The following ADAR variants were observed in gnomAD, a reference collection of about 807,000 sequenced individuals.
ADAR encodes adenosine deaminase RNA specific, also known as double-stranded RNA-specific adenosine deaminase.
ADAR carries 41 observed loss-of-function variants against 113.2 expected under a neutral mutation model. The ratio of observed to expected loss-of-function variants is 0.36; its 90% CI spans 0.28 to 0.47. The LOEUF is 0.47. ADAR is among the 20% of genes least tolerant of loss of function. ADAR has a pLI of 1.00. For synonymous variants in ADAR, 605 were observed against 572.6 expected (o/e 1.06, Z -0.81); for missense variants, 1,242 against 1,540.9 (o/e 0.81, Z 3.25).
intron 1 of ADAR, among the ~76,000 whole-genome samples, chr1:154,627,245 G>A (rs1698966520): frequency 2.6e-5 from 4 of 152,216 alleles, no homozygotes; most frequent in Admixed American, 2.6e-4. Context: ...AGGAAGAGGA[G>A]GTGACGCAAC....
At chr1:154,627,258 G>A (rs369558942) in intron 1 of ADAR, among the ~76,000 whole-genome samples, 1 of 152,222 alleles carries the variant, frequency 6.6e-6, no homozygotes, top group South Asian at 2.1e-4. Context: ...GACGCAACTA[G>A]GCCTCCTGCA....
In ADAR at chr1:154,586,584, A is replaced by G. The variant is rs538536937; in HGVS notation, c.3020-221T>C. On this transcript the variant is annotated intron_variant, in intron 11 of 14. Transcript: ENST00000368474. ...TGCTCTTAAAACATCTATGGTGGTGAGGAGATTGAAAGGGAAGAGAATAGA... is the reference window on the plus strand; with the variant it reads ...TGCTCTTAAAACATCTATGGTGGTGGGGAGATTGAAAGGGAAGAGAATAGA... Among the ~76,000 whole-genome samples, 166 of 152,348 alleles carry G rather than the reference A, an allele frequency of 1.1e-3. 1 individual carries two copies. The highest frequency in any genetic ancestry group is 8.7e-3 in the South Asian group (42 of 4,830).
chr1:154,607,950 G>GA (rs1698308678), intron 1 of ADAR, 42 bp downstream of exon 1: 1 of 1,610,878 alleles, frequency 6.2e-7, no homozygotes, highest in African/African-American at 1.3e-5. Context: ...GGTTGTAAAC[G>GA]AACCCAGACG....
intron 1 of ADAR, among the ~76,000 whole-genome samples, chr1:154,607,279 T>C (rs1000966825): frequency 1.3e-5 from 2 of 152,216 alleles, no homozygotes; most frequent in Non-Finnish European, 2.9e-5. Context: ...GTGTTGTTAC[T>C]TGTAACAGTA....
At chr1:154,586,996 T>C (rs779837396) in intron 11 of ADAR, among the ~76,000 whole-genome samples, 8 of 152,228 alleles carry the variant, frequency 5.3e-5, no homozygotes, top group Non-Finnish European at 1.2e-4. Context: ...ATAGTTCATA[T>C]GCCATACAGT....
At chr1:154,605,962 G>T (rs537913876) in intron 1 of ADAR, 11 of 941,782 alleles carry the variant, frequency 1.2e-5, no homozygotes, top group African/African-American at 1.8e-5. Flanking sequence ...GTCTATAGAA[G>T]AATTAAATTA....
chr1:154,606,854 T>C (rs1021335703), intron 1 of ADAR, among the ~76,000 whole-genome samples: 4 of 151,976 alleles, frequency 2.6e-5, no homozygotes, highest in African/African-American at 9.7e-5. Flanking sequence ...CCACACAGGT[T>C]CCACAGTGCA....
At chr1:154,592,453 T>TA (rs1246081173) in intron 6 of ADAR, among the ~76,000 whole-genome samples, 10 of 152,148 alleles carry the variant, frequency 6.6e-5, no homozygotes, top group African/African-American at 2.4e-4. Context: ...GTTGAGTAAA[T>TA]AAAGTATAAA....
intron 11 of ADAR, 39 bp downstream of exon 11, chr1:154,588,086 G>A: frequency 1.9e-6 from 3 of 1,611,832 alleles, no homozygotes; most frequent in Middle Eastern, 2.0e-4. Context: ...ACCTTGCAGA[G>A]CCTTTTGAGG....
At chr1:154,588,788 TCA>T (rs1696935122) in intron 9 of ADAR, 115 bp from the exon 10 acceptor site, 2 of 1,388,692 alleles carry the variant, frequency 1.4e-6, no homozygotes, top group East Asian at 2.3e-5. Context: ...TGCAGACGTT[TCA>T]CAGTTTATCA....
upstream of ADAR, among the ~76,000 whole-genome samples, chr1:154,612,002 A>G (rs1182146211): frequency 6.6e-6 from 1 of 152,222 alleles, no homozygotes; most frequent in Non-Finnish European, 1.5e-5. Flanking sequence ...TTGCTTTTTA[A>G]CTATAAGTAA....
At chr1:154,622,355 A>G (rs1225020008) in intron 1 of ADAR, among the ~76,000 whole-genome samples, 1 of 152,234 alleles carries the variant, frequency 6.6e-6, no homozygotes, top group Non-Finnish European at 1.5e-5. Flanking sequence ...GATGCAGAGT[A>G]GTCTTATTTC....
chr1:154,601,917 A>G lies in ADAR; in HGVS notation c.725T>C (p.Leu242Pro). ...RNSTSVSEDL[L>P]EPFIAVSAQA... ...AGCTGAGACTGCAATAAAAGGCTCA[A>G]GAAGATCTTCTGAGACAGATGTGGA... Residue 242 changes from leucine (L) to proline (P), a missense_variant, in exon 2 of 15, where the codon CTT (leucine) becomes CCT (proline). Leu to Pro is a moderately conservative substitution (Grantham distance 98). Around this residue, in one of 2 missense-constraint regions of ADAR, gnomAD observed 462 missense variants for 483.1 expected, o/e 0.96. Transcript: ENST00000368474. The surrounding 1 kb of genome is among the most constrained non-coding windows in gnomAD (Gnocchi z 4.7). 6.2e-7 allele frequency: 1 copy of G among 1,612,438 alleles called. No homozygotes were observed. The highest frequency in any genetic ancestry group is 8.5e-7 in the Non-Finnish European group (1 of 1,179,658).
chr1:154,592,033 A>C (rs1697183226), intron 6 of ADAR, among the ~76,000 whole-genome samples: 1 of 152,206 alleles, frequency 6.6e-6, no homozygotes, highest in Admixed American at 6.5e-5. Flanking sequence ...TTTTATACTG[A>C]TATATTTACA....
Position 154,585,496 on chromosome 1 carries a change from C to A in ADAR, c.3316-152G>T, listed in dbSNP as rs1024577032. The A allele has an allele frequency of 4.9e-5, 52 of 1,067,626 alleles. No individual in the cohort carries two copies. In the Admixed American group the frequency reaches 1.0e-3, roughly 21 times the overall value. 66.1% of individuals were successfully genotyped at this position (1,067,626 alleles called of 1,614,324 possible). A position where few individuals can be genotyped will look rare whatever the true frequency, so the allele number is the denominator to read the frequency against. On this transcript the variant is annotated intron_variant, in intron 13 of 14. Coordinates refer to ENST00000368474, the MANE Select transcript of ADAR (RefSeq NM_001111.5). ...CTGTTTGGCTAAGACTGAGCACCCT[C>A]TAGACATACTAACTCCACCTCGATT...
chr1:154,609,685 A>G (rs1698417998), upstream of ADAR, among the ~76,000 whole-genome samples: 3 of 152,102 alleles, frequency 2.0e-5, no homozygotes, highest in Admixed American at 2.0e-4. Flanking sequence ...CTGGGCGCCT[A>G]CCCCTAATAG....
rs539358883 is a variant in ADAR at position 154,624,535 on chromosome 1, T to G, written c.-871+3320A>C. On this transcript the variant is annotated intron_variant, in intron 1 of 14. Coordinates refer to the ADAR transcript ENST00000368471. ...AACTACAAGTCATCTTTAAACATCTTTAAGACACAGAATAGCTCATCAAAA... is the reference window on the plus strand; with the variant it reads ...AACTACAAGTCATCTTTAAACATCTGTAAGACACAGAATAGCTCATCAAAA... Among the ~76,000 whole-genome samples, 81 of 152,332 alleles carry G rather than the reference T, an allele frequency of 5.3e-4. No homozygotes were observed. The South Asian group carries it at 0.016, about 31-fold the overall frequency.
rs931042981 is a variant in ADAR at position 154,582,774 on chromosome 1, G to C, written c.*2032C>G. ...GTAGCCTGAAGAGGAGAGGGGCTGC[G>C]CTGCCTTCTGATGCTGAGAACCACA... On this transcript the variant is annotated 3_prime_UTR_variant, in exon 15 of 15. Transcript: ENST00000368474. The C allele has an allele frequency of 6.6e-6, 1 of 152,236 alleles. No individual in the cohort carries two copies. Among genetic ancestry groups the C allele is most frequent in the African/African-American group, 2.4e-5 (1 of 41,428 alleles). 9.4% of individuals were successfully genotyped at this position (152,236 alleles called of 1,614,324 possible).
rs1346224116 is a variant in ADAR, at chr1:154,602,357, C to T, written c.285G>A (p.Arg95=). 6.2e-7 allele frequency: 1 copy of T among 1,607,080 alleles called. No homozygotes were observed. Among genetic ancestry groups the T allele is most frequent in the East Asian group, 2.2e-5 (1 of 44,840 alleles). ...GRQVDIRGVP[R]GVHLRSQGLQ... ...GCCCCTGACTTCTGAGATGCACGCC[C>T]CTGGGGACACCCCTGATGTCCACTT... The change falls in exon 2 of 15, where the codon AGG becomes AGA. Residue 95 remains arginine, a synonymous_variant. Coordinates refer to ENST00000368474, the MANE Select transcript of ADAR (RefSeq NM_001111.5).
Sources: gnomAD v4.1 joint callset for allele counts (sites outside exome capture counted in the v4.1 genomes callset) on GRCh38, gnomAD v4.1.1 for gene constraint, gnomAD v4.1.1 regional missense constraint, Gnocchi (gnomAD v3.1) non-coding constraint, MANE v1.5 for transcripts, NCBI Gene and HGNC (gene_info 2026-07-23, HGNC 2026-07-21) for gene names.